ATF3: variants seen among roughly 807,000 people sequenced by gnomAD.
The protein encoded by ATF3 is cyclic AMP-dependent transcription factor ATF-3.
Under a neutral mutation model 18.4 loss-of-function variants are expected in ATF3, and 10 were observed. The ratio of observed to expected loss-of-function variants is 0.54; its 90% CI spans 0.34 to 0.92. The LOEUF is 0.92. ATF3 is among the 40% of genes least tolerant of loss of function. The probability of loss-of-function intolerance (pLI) is 0.02; values close to 1 mark genes in which losing one functional copy is unlikely to be tolerated. For missense variants in ATF3, 183 were observed against 222.3 expected (o/e 0.82, Z 1.12); for synonymous variants, 78 against 87.9 (o/e 0.89, Z 0.63).
intron 1 of ATF3, among the ~76,000 whole-genome samples, chr1:212,566,870 G>A (rs1009963473): frequency 6.6e-6 from 1 of 152,154 alleles, no homozygotes; most frequent in Non-Finnish European, 1.5e-5. Context: ...TCCTGGGAAA[G>A]TAAAACCTCG....
intron 1 of ATF3, among the ~76,000 whole-genome samples, chr1:212,594,916 T>C (rs1210722824): frequency 6.6e-6 from 1 of 152,194 alleles, no homozygotes; most frequent in Non-Finnish European, 1.5e-5. Flanking sequence ...TTAGCATGTA[T>C]TGAACTGAAT....
At chr1:212,602,661 A>G (rs191597081) in intron 1 of ATF3, among the ~76,000 whole-genome samples, 52 of 152,274 alleles carry the variant, frequency 3.4e-4, no homozygotes, top group African/African-American at 1.2e-3. Context: ...TAAAATGGAG[A>G]TGTTTACGGT....
intron 1 of ATF3, among the ~76,000 whole-genome samples, chr1:212,570,498 C>T (rs1016444454): frequency 5.9e-5 from 9 of 151,964 alleles, no homozygotes; most frequent in East Asian, 1.9e-4. Flanking sequence ...TATGAGGATA[C>T]GAAAAAACAA....
intron 1 of ATF3, among the ~76,000 whole-genome samples, chr1:212,582,849 C>G (rs1048289213): frequency 3.3e-5 from 5 of 152,066 alleles, no homozygotes; most frequent in African/African-American, 1.2e-4. Context: ...TTCATTAGCT[C>G]CCGCTGAAGT....
chr1:212,595,523 T>C (rs1276285488), intron 1 of ATF3, among the ~76,000 whole-genome samples: 2 of 152,234 alleles, frequency 1.3e-5, no homozygotes, highest in Non-Finnish European at 2.9e-5. Context: ...TTGCTCTGAC[T>C]GGTCACCCAA....
intron 1 of ATF3, among the ~76,000 whole-genome samples, chr1:212,588,529 C>G (rs1664821076): frequency 6.6e-6 from 1 of 152,038 alleles, no homozygotes; most frequent in African/African-American, 2.4e-5. Context: ...ATGAGAAGGA[C>G]AGTTACTCTC....
chr1:212,591,175 C>A (rs562601402), intron 1 of ATF3, among the ~76,000 whole-genome samples: 3 of 152,144 alleles, frequency 2.0e-5, no homozygotes, highest in Non-Finnish European at 4.4e-5. Flanking sequence ...ACTTGGAATG[C>A]TTTTCCCCAC....
intron 1 of ATF3, among the ~76,000 whole-genome samples, chr1:212,582,654 T>G (rs1664705746): frequency 6.6e-6 from 1 of 152,146 alleles, no homozygotes; most frequent in Non-Finnish European, 1.5e-5. Context: ...GCCTGTGCGT[T>G]TTTTTCAACA....
chr1:212,577,583 C>T (rs922301343), intron 1 of ATF3, among the ~76,000 whole-genome samples: 4 of 151,658 alleles, frequency 2.6e-5, no homozygotes, highest in Admixed American at 6.6e-5. Context: ...CCTACCCCCA[C>T]CACGGCCTCA....
intron 1 of ATF3, among the ~76,000 whole-genome samples, chr1:212,569,112 C>T (rs1269910058): frequency 2.0e-5 from 3 of 152,146 alleles, no homozygotes; most frequent in East Asian, 1.9e-4. Flanking sequence ...TTTCCCCTGG[C>T]ACCCTTTTCT....
At chr1:212,598,177 C>A (rs1025191522) in intron 1 of ATF3, among the ~76,000 whole-genome samples, 8 of 152,178 alleles carry the variant, frequency 5.3e-5, no homozygotes, top group Non-Finnish European at 1.2e-4. Flanking sequence ...AAGTTACCCA[C>A]CCATACTTCC....
At chr1:212,594,586 A>G (rs1226400454) in intron 1 of ATF3, among the ~76,000 whole-genome samples, 1 of 152,202 alleles carries the variant, frequency 6.6e-6, no homozygotes, top group Non-Finnish European at 1.5e-5. Flanking sequence ...AAGACAGAGC[A>G]GAGACACAGG....
At chr1:212,594,394 T>C (rs1411401769) in intron 1 of ATF3, among the ~76,000 whole-genome samples, 1 of 138,920 alleles carries the variant, frequency 7.2e-6, no homozygotes, top group Non-Finnish European at 1.6e-5. Context: ...TCAGAGACTA[T>C]GAATGAAACA....
Position 212,591,077 on chromosome 1 carries a change from C to T in ATF3, c.-4-23941C>T, listed in dbSNP as rs1014282351. ...TTTTCAGCCGCCTCTTCCCCTGTAT[C>T]CTGTACCAGGGACATGTGGCTGCTC... On this transcript the variant is annotated intron_variant, in intron 1 of 3. Transcript: ENST00000366981. 2.6e-5 allele frequency among the ~76,000 whole-genome samples: 4 copies of T among 152,364 alleles called. No individual in the cohort carries two copies. The East Asian group carries it at 7.7e-4, about 29-fold the overall frequency.
upstream of ATF3, among the ~76,000 whole-genome samples, chr1:212,608,336 C>CG (rs796973015): frequency 2.0e-4 from 31 of 152,336 alleles, no homozygotes; most frequent in African/African-American, 7.5e-4. Context: ...CTTCCCCGCC[C>CG]CCCCCGCTCT....
chr1:212,573,890 C>T (rs1664525823), intron 1 of ATF3, among the ~76,000 whole-genome samples: 1 of 151,514 alleles, frequency 6.6e-6, no homozygotes, highest in South Asian at 2.1e-4. Context: ...AATATCTCCT[C>T]CTTATCTGGT....
chr1:212,610,683 G>A (rs998823224), intron 1 of ATF3, among the ~76,000 whole-genome samples: 4 of 151,930 alleles, frequency 2.6e-5, no homozygotes, highest in Non-Finnish European at 4.4e-5. Context: ...CGTTTTCTTC[G>A]ATAGCCCCTC....
intron 1 of ATF3, among the ~76,000 whole-genome samples, chr1:212,579,997 C>T (rs1664651183): frequency 6.8e-6 from 1 of 147,860 alleles, no homozygotes; most frequent in African/African-American, 2.5e-5. Flanking sequence ...AAAAAAAAAA[C>T]TTAGCTGGGC....
At chr1:212,617,943 G>A (rs1366410517) in intron 2 of ATF3, among the ~76,000 whole-genome samples, 184 bp from the exon 3 acceptor site, 1 of 69,098 alleles carries the variant, frequency 1.4e-5, no homozygotes, top group Non-Finnish European at 3.5e-5. Context: ...GTGTGTGTGT[G>A]TGCGTGTGTG....
Sources: allele counts gnomAD v4.1 joint callset (sites outside exome capture counted in the v4.1 genomes callset), GRCh38; gene constraint gnomAD v4.1.1; transcripts MANE v1.5; gene names NCBI Gene and HGNC (gene_info 2026-07-23, HGNC 2026-07-21).